Variants in SLC16A7 observed in about 807,000 individuals in gnomAD.
The protein encoded by SLC16A7 is solute carrier family 16 member 7.
Under a neutral mutation model 34.9 loss-of-function variants are expected in SLC16A7, and 33 were observed. The observed-to-expected ratio is 0.94, with a 90% CI of 0.72 to 1.26. The LOEUF (loss-of-function observed/expected upper bound fraction) is 1.26. Among genes scored for constraint, SLC16A7 ranks in the 50% most tolerant of loss-of-function variants. The pLI, the probability that SLC16A7 is intolerant of heterozygous loss-of-function variation, is 0.00. For synonymous variants in SLC16A7, 201 were observed against 206.6 expected, an observed-to-expected ratio of 0.97 and a Z score of 0.23; for missense variants, 573 against 578.1, an observed-to-expected ratio of 0.99 and a Z score of 0.09.
intron 3 of SLC16A7, among the ~76,000 whole-genome samples, chr12:59,713,756 C>T (rs1337355215): frequency 6.6e-6 from 1 of 152,072 alleles, no homozygotes; most frequent in South Asian, 2.1e-4. Flanking sequence ...TTTGTAGTCA[C>T]CAGAGGTAGG....
At position 59,659,143 on chromosome 12, in the gene SLC16A7, T is replaced by C. The variant is rs149096432; in HGVS notation, c.-31+3893T>C. Among the ~76,000 whole-genome samples the C allele has an allele frequency of 3.3e-3, 500 of 152,172 alleles. 1 individual carries two copies. The highest frequency in any genetic ancestry group is 5.8e-3 in the Non-Finnish European group (397 of 67,974). On this transcript the variant is annotated intron_variant, in intron 2 of 5. Coordinates refer to ENST00000547379, the MANE Select transcript of SLC16A7 (RefSeq NM_001270623.2). ...ATGCAAGGTTCTATAATATATGACATTGCTAATACTACTTTATAACACTAT... is the reference window on the plus strand; with the variant it reads ...ATGCAAGGTTCTATAATATATGACACTGCTAATACTACTTTATAACACTAT...
chr12:59,705,427 G>A (rs919532838), intron 3 of SLC16A7, among the ~76,000 whole-genome samples: 1 of 152,122 alleles, frequency 6.6e-6, no homozygotes, highest in African/African-American at 2.4e-5. Flanking sequence ...TATAAGCCCA[G>A]AAAGTACATC....
At position 59,775,695 on chromosome 12, in the gene SLC16A7, C is replaced by A. The variant is rs1487746202; in HGVS notation, c.1180+220C>A. Among the ~76,000 whole-genome samples the A allele has an allele frequency of 2.6e-5, 4 of 152,102 alleles. 1 individual carries two copies. Among genetic ancestry groups the A allele is most frequent in the Admixed American group, 2.6e-4 (4 of 15,258 alleles). ...GAACCTGGACCTGTGAACTTAAGAACTTATGTTAGACTGATAATTAGTAAC... is the reference window on the plus strand; with the variant it reads ...GAACCTGGACCTGTGAACTTAAGAAATTATGTTAGACTGATAATTAGTAAC... On this transcript the variant is annotated intron_variant, in intron 5 of 5. Transcript: ENST00000547379.
chr12:59,692,036 A>C (rs763555422), intron 2 of SLC16A7, among the ~76,000 whole-genome samples: 17 of 151,984 alleles, frequency 1.1e-4, no homozygotes, highest in Non-Finnish European at 2.5e-4. Context: ...ACATTTCTAG[A>C]CATCAAGGTG....
intron 2 of SLC16A7, among the ~76,000 whole-genome samples, chr12:59,697,692 G>A (rs1592519365): frequency 6.6e-6 from 1 of 150,520 alleles, no homozygotes; most frequent in African/African-American, 2.4e-5. Context: ...TGATATTGCT[G>A]CCCCTGTCTA....
At chr12:59,698,922 T>A (rs1185861994) in intron 2 of SLC16A7, among the ~76,000 whole-genome samples, 1 of 151,900 alleles carries the variant, frequency 6.6e-6, no homozygotes, top group East Asian at 1.9e-4. Context: ...TTTCTTTTAG[T>A]ACATATTTAT....
chr12:59,624,443 A>G (rs1879831719), intron 1 of SLC16A7, among the ~76,000 whole-genome samples: 1 of 151,640 alleles, frequency 6.6e-6, no homozygotes, highest in Admixed American at 6.6e-5. Flanking sequence ...GGTTTTGTTC[A>G]TAGTGCTATA....
intron 3 of SLC16A7, among the ~76,000 whole-genome samples, chr12:59,732,741 C>T (rs539808546): frequency 3.9e-5 from 6 of 152,114 alleles, no homozygotes; most frequent in East Asian, 1.9e-4. Context: ...TCCTTTCATG[C>T]GTAGTTATTC....
intron 1 of SLC16A7, among the ~76,000 whole-genome samples, chr12:59,616,589 C>T (rs1879461222): frequency 6.6e-6 from 1 of 152,040 alleles, no homozygotes; most frequent in Admixed American, 6.6e-5. Flanking sequence ...ATAGGCCCAT[C>T]GCCTTAGGAT....
chr12:59,716,687 A>C (rs1435275987), intron 3 of SLC16A7, among the ~76,000 whole-genome samples: 1 of 152,130 alleles, frequency 6.6e-6, no homozygotes, highest in East Asian at 1.9e-4. Context: ...GCCTCTACCC[A>C]AAATACAAAC....
intron 1 of SLC16A7, among the ~76,000 whole-genome samples, chr12:59,644,792 G>A (rs923970716): frequency 5.9e-5 from 9 of 151,892 alleles, no homozygotes; most frequent in East Asian, 3.9e-4. Flanking sequence ...TCTTTATAAC[G>A]GATAGAAAAC....
At position 59,639,232 on chromosome 12, in the gene SLC16A7, A is replaced by G. The variant is rs547038116; in HGVS notation, c.-129-15920A>G. Among the ~76,000 whole-genome samples the G allele has an allele frequency of 1.6e-3, 248 of 152,214 alleles. 1 individual carries two copies. The highest frequency in any genetic ancestry group is 5.3e-3 in the African/African-American group (220 of 41,546). Reference sequence around the variant, plus strand: ...CTCCTTTCTTATTTCTCTCCTTACAATGTTTTTACAGATATTACTGTTTAT... The same window carrying G: ...CTCCTTTCTTATTTCTCTCCTTACAGTGTTTTTACAGATATTACTGTTTAT... On this transcript the variant is annotated intron_variant, in intron 1 of 5. Transcript: ENST00000547379.
chr12:59,763,787 T>C (rs1881260862), intron 3 of SLC16A7, among the ~76,000 whole-genome samples: 2 of 152,146 alleles, frequency 1.3e-5, no homozygotes, highest in Admixed American at 1.3e-4. Flanking sequence ...TCTCACAGTA[T>C]TTCAAACTCT....
chr12:59,658,953 G>T (rs1486433076), intron 2 of SLC16A7, among the ~76,000 whole-genome samples: 2 of 151,984 alleles, frequency 1.3e-5, no homozygotes, highest in Admixed American at 1.3e-4. Flanking sequence ...TGAGTATAAT[G>T]ATTTTAGATA....
In SLC16A7 at chr12:59,661,962, T is replaced by G. The variant is rs191067664; in HGVS notation, c.-31+6712T>G. ...TAGATTTAGAAAATAGAATCACTGT[T>G]AGTACTACTCAGTGAATGTTAGGAT... On this transcript the variant is annotated intron_variant, in intron 2 of 5. Coordinates refer to ENST00000547379, the MANE Select transcript of SLC16A7 (RefSeq NM_001270623.2). 2.0e-4 allele frequency among the ~76,000 whole-genome samples: 31 copies of G among 152,218 alleles called. 1 individual carries two copies. The highest frequency in any genetic ancestry group is 1.2e-3 in the Admixed American group (18 of 15,268).
intron 3 of SLC16A7, among the ~76,000 whole-genome samples, chr12:59,755,671 G>A (rs1880232488): frequency 6.6e-6 from 1 of 152,128 alleles, no homozygotes; most frequent in South Asian, 2.1e-4. Context: ...CATGAAAATG[G>A]CCATACTGCC....
chr12:59,710,938 G>T (rs955229228), intron 3 of SLC16A7, among the ~76,000 whole-genome samples: 5 of 152,092 alleles, frequency 3.3e-5, no homozygotes, highest in African/African-American at 1.2e-4. Flanking sequence ...TCTCTCTTCT[G>T]TTTCTTCCAG....
chr12:59,732,145 C>T (rs768635321), intron 3 of SLC16A7, among the ~76,000 whole-genome samples: 10 of 152,000 alleles, frequency 6.6e-5, no homozygotes, highest in Non-Finnish European at 1.2e-4. Flanking sequence ...TGGCTGGGCA[C>T]AGTGGCGCAT....
chr12:59,770,609 A>G (rs537293634), intron 3 of SLC16A7, among the ~76,000 whole-genome samples: 2 of 152,222 alleles, frequency 1.3e-5, no homozygotes, highest in Admixed American at 6.6e-5. Context: ...TAACAACATT[A>G]CTACCTATGA....
Sources: gnomAD v4.1 joint callset for allele counts (sites outside exome capture counted in the v4.1 genomes callset) on GRCh38, gnomAD v4.1.1 for gene constraint, MANE v1.5 for transcripts, NCBI Gene and HGNC (gene_info 2026-07-23, HGNC 2026-07-21) for gene names.